The following NT5DC2 variants were observed in gnomAD, a reference collection of about 807,000 sequenced individuals.
The protein encoded by NT5DC2 is 5'-nucleotidase domain-containing protein 2.
NT5DC2 carries 41 observed loss-of-function variants against 70.0 expected under a neutral mutation model. That is an observed-to-expected ratio of 0.59 (90% confidence interval 0.46 to 0.76). The LOEUF is 0.76. Among genes scored for constraint, NT5DC2 ranks in the 30% least tolerant of loss-of-function variants. NT5DC2 has a pLI of 0.00. For synonymous variants in NT5DC2, 299 were observed against 310.4 expected (o/e 0.96, Z 0.39); for missense variants, 705 against 783.2 (o/e 0.90, Z 1.19).
chr3:52,525,176 T>G, intron 11 of NT5DC2, 33 bp downstream of exon 11: 3 of 1,565,044 alleles, frequency 1.9e-6, no homozygotes, highest in African/African-American at 1.4e-5. Context: ...TTCCTGGCCC[T>G]CCCCCACTGC....
intron 1 of NT5DC2, chr3:52,532,125 C>T (rs980879741): frequency 9.4e-6 from 9 of 955,082 alleles, no homozygotes; most frequent in East Asian, 1.1e-4. Flanking sequence ...CGGACCTCGG[C>T]GCCCAGAGGT....
At position 52,525,235 on chromosome 3, in the gene NT5DC2, C is replaced by T. The variant is rs201327787; in HGVS notation, c.1180G>A (p.Gly394Arg). The change falls in exon 11 of 14, where the codon GGG becomes AGG. Residue 394 changes from glycine (G) to arginine (R), a missense_variant. Transcript: ENST00000422318. ...GCCAGATCACTATAGAGGTGGTCCC[C>T]GAAGTAGAGCACGCGGGGGCCACGC... The part of the protein sequence containing the change: ...EWRGPRVLYF[G>R]DHLYSDLADL... The T allele has an allele frequency of 4.4e-5, 71 of 1,612,572 alleles. No homozygotes were observed. The highest frequency in any genetic ancestry group is 3.1e-4 in the East Asian group (14 of 44,868).
Position 52,529,444 on chromosome 3 carries a change from C to T in NT5DC2, c.233-110G>A. Reference sequence around the variant, plus strand: ...AGCCCTGTGAGCCTCAGAAACGCCCCACAATGGCACCTCTTATTCCAGTGC... The same window carrying T: ...AGCCCTGTGAGCCTCAGAAACGCCCTACAATGGCACCTCTTATTCCAGTGC... On this transcript the variant is annotated intron_variant, in intron 1 of 13. Coordinates refer to ENST00000422318, the MANE Select transcript of NT5DC2 (RefSeq NM_001134231.2). This position sits in a 1 kb window ranked among gnomAD's most constrained non-coding sequence, Gnocchi z 4.1. 3 of 970,586 alleles carry T rather than the reference C, an allele frequency of 3.1e-6. No homozygotes were observed. Among genetic ancestry groups the T allele is most frequent in the African/African-American group, 1.6e-5 (1 of 61,760 alleles). 60.1% of individuals were successfully genotyped at this position (970,586 alleles called of 1,614,324 possible). A position where few individuals can be genotyped will look rare whatever the true frequency, so the allele number is the denominator to read the frequency against.
chr3:52,528,796 G>C (rs2079319270), intron 3 of NT5DC2, 65 bp downstream of exon 3: 1 of 1,598,682 alleles, frequency 6.3e-7, no homozygotes, highest in African/African-American at 1.3e-5. Context: ...GGATGGGACG[G>C]AGGGGTAATG....
At position 52,525,117 on chromosome 3, in the gene NT5DC2, C is replaced by T. The variant is rs760419186; in HGVS notation, c.1207-14G>A. The T allele has an allele frequency of 2.2e-5, 16 of 727,964 alleles. No individual in the cohort carries two copies. Among genetic ancestry groups the T allele is most frequent in the Middle Eastern group, 3.5e-4 (1 of 2,858 alleles). The allele number at this position is 727,964 out of a possible 1,614,324, so 45.1% of individuals were successfully genotyped here. A position where few individuals can be genotyped will look rare whatever the true frequency, so the allele number is the denominator to read the frequency against. The stretch of plus-strand genomic sequence containing the variant: ...CAGCATGAGATCCTGGTGGGTGGGG[C>T]GGCAGAACTGGGCTCAGCGCCAGTT... On this transcript the variant is annotated splice_polypyrimidine_tract_variant and intron_variant, in intron 11 of 13. Coordinates refer to ENST00000422318, the MANE Select transcript of NT5DC2 (RefSeq NM_001134231.2).
At chr3:52,527,416 G>A (rs745990502) in intron 9 of NT5DC2, 41 bp from the exon 10 acceptor site, 1 of 1,601,092 alleles carries the variant, frequency 6.2e-7, no homozygotes, top group Admixed American at 1.7e-5. Flanking sequence ...GTCTGTGGCT[G>A]GGCCACGGGC....
chr3:52,533,129 C>T (rs562537327), intron 1 of NT5DC2, among the ~76,000 whole-genome samples: 39 of 152,278 alleles, frequency 2.6e-4, no homozygotes, highest in African/African-American at 9.4e-4. Context: ...GCTTTGTCCA[C>T]AGCACTCTCC....
In NT5DC2 at chr3:52,525,091, G is replaced by C; in HGVS notation, c.1219C>G (p.Arg407Gly). The C allele has an allele frequency of 6.5e-7, 1 of 1,543,106 alleles. No homozygotes were observed. Among genetic ancestry groups the C allele is most frequent in the Non-Finnish European group, 8.7e-7 (1 of 1,143,242 alleles). The change falls in exon 12 of 14, where the codon CGG (arginine) becomes GGG (glycine). Residue 407 changes from arginine to glycine, a missense_variant. Transcript: ENST00000422318. ...ATGGCGCCTGTGCGCCAGCCGTGCC[G>C]CAGCATGAGATCCTGGTGGGTGGGG... ...LYSDLADLML[R>G]HGWRTGAIIP... is the part of the protein sequence containing the mutation.
At chr3:52,525,516 G>A (rs899263753) in intron 10 of NT5DC2, 5 of 575,268 alleles carry the variant, frequency 8.7e-6, no homozygotes, top group Admixed American at 3.1e-5. Context: ...GCCTGGCATG[G>A]TGCCCATGCC....
rs772754777 is a variant in NT5DC2 at position 52,528,038 on chromosome 3, C to T, written c.807G>A (p.Met269Ile). 6 of 1,612,232 alleles carry T rather than the reference C, an allele frequency of 3.7e-6. No individual in the cohort carries two copies. The Admixed American group carries it at 8.4e-5, about 22-fold the overall frequency. ...AIRDVHVKGL[M>I]YQWIEQDMEK... Reference sequence around the variant, plus strand: ...CCATGTCCTGCTCGATCCACTGGTACATGAGGCCCTTCACATGCACGTCTC... The same window carrying T: ...CCATGTCCTGCTCGATCCACTGGTATATGAGGCCCTTCACATGCACGTCTC... The change falls in exon 7 of 14, where the codon ATG (methionine) becomes ATA (isoleucine). Residue 269 changes from methionine to isoleucine, a missense_variant. Transcript: ENST00000422318.
chr3:52,533,238 C>A (rs2079384178), intron 1 of NT5DC2, among the ~76,000 whole-genome samples: 1 of 152,216 alleles, frequency 6.6e-6, no homozygotes, highest in South Asian at 2.1e-4. Context: ...GGGGGCCCAG[C>A]ACTCCGGCAG....
intron 1 of NT5DC2, among the ~76,000 whole-genome samples, chr3:52,533,029 G>A (rs929630314): frequency 5.9e-5 from 9 of 152,344 alleles, no homozygotes; most frequent in African/African-American, 2.2e-4. Context: ...GACCTCCAGG[G>A]CGACATCGAG....
In NT5DC2 at chr3:52,528,435, G is replaced by A. The variant is rs370988986; in HGVS notation, c.642+11C>T. On this transcript the variant is annotated intron_variant, in intron 5 of 13. Transcript: ENST00000422318. ...TCCATGGGGCAGGCTGGCTGCTGGG[G>A]TATGGAGTACCTTGCCATAGAAGCC... 6 of 1,613,362 alleles carry A rather than the reference G, an allele frequency of 3.7e-6. No homozygotes were observed. The highest frequency in any genetic ancestry group is 3.4e-6 in the Non-Finnish European group (4 of 1,179,854).
rs764872514 is a variant in NT5DC2, at chr3:52,527,681, G to A, written c.973C>T (p.Arg325Cys). The A allele has an allele frequency of 2.6e-5, 42 of 1,613,078 alleles. No homozygotes were observed. The highest frequency in any genetic ancestry group is 1.6e-4 in the Middle Eastern group (1 of 6,084). Residue 325 changes from arginine (R) to cysteine (C), a missense_variant, in exon 9 of 14, where the codon CGC becomes TGC. Physicochemically the swap from Arg to Cys is radical, Grantham distance 180. Transcript: ENST00000422318. ...ACAATGACCACATCGAAGAGCTGGC[G>A]CCAATCGGGACCCACCATGTGCCGC... ...GMRHMVGPDW[R>C]QLFDVVIVQA... is the part of the protein sequence containing the mutation.
intron 10 of NT5DC2, 113 bp downstream of exon 10, chr3:52,527,180 CT>C (rs1414682495): frequency 1.0e-6 from 1 of 958,446 alleles, no homozygotes; most frequent in East Asian, 2.4e-5. Flanking sequence ...CTGTGTGAGG[CT>C]GCTCAGGGCC....
upstream of NT5DC2, chr3:52,534,842 A>C: frequency 1.5e-6 from 1 of 663,832 alleles, no homozygotes; most frequent in Non-Finnish European, 2.5e-6. Context: ...CCTTGATTGA[A>C]GACCTACAGT....
upstream of NT5DC2, chr3:52,534,762 G>A (rs1487310149): frequency 5.5e-6 from 8 of 1,448,472 alleles, no homozygotes; most frequent in Admixed American, 2.1e-5. Context: ...GGAGCCAGCT[G>A]GGCGCGCGTT....
At chr3:52,532,415 C>G (rs2079373172) in intron 1 of NT5DC2, 2 of 985,322 alleles carry the variant, frequency 2.0e-6, no homozygotes, top group South Asian at 9.4e-5. Context: ...CGAGGGTGGA[C>G]AGATGCCCAA....
chr3:52,530,705 G>GA (rs369618150), intron 1 of NT5DC2, among the ~76,000 whole-genome samples: 129 of 149,986 alleles, frequency 8.6e-4, no homozygotes, highest in African/African-American at 2.8e-3. Context: ...TTTTTAAAAA[G>GA]AAAAAAAAAA....
Sources: allele counts gnomAD v4.1 joint callset (sites outside exome capture counted in the v4.1 genomes callset), GRCh38; gene constraint gnomAD v4.1.1; non-coding constraint Gnocchi (gnomAD v3.1); transcripts MANE v1.5; gene names NCBI Gene and HGNC (gene_info 2026-07-23, HGNC 2026-07-21).